The following RAB3C variants were observed in gnomAD, a reference collection of about 807,000 sequenced individuals.
RAB3C encodes ras-related protein Rab-3C.
Under a neutral mutation model 26.4 loss-of-function variants are expected in RAB3C, and 17 were observed. The ratio of observed to expected loss-of-function variants is 0.64; its 90% CI spans 0.44 to 0.97. The LOEUF (loss-of-function observed/expected upper bound fraction) is 0.97. Ranked by LOEUF, RAB3C falls within the 50% of genes least tolerant of loss-of-function variation. The pLI is 0.00. For missense variants in RAB3C, 242 were observed against 281.9 expected (o/e 0.86, Z 1.01); for synonymous variants, 91 against 95.9 (o/e 0.95, Z 0.30).
intron 2 of RAB3C, among the ~76,000 whole-genome samples, chr5:58,715,766 A>C (rs531755095): frequency 5.9e-5 from 9 of 152,140 alleles, no homozygotes; most frequent in Non-Finnish European, 8.8e-5. Context: ...GAGAGAATGA[A>C]GATCAGAAGC....
intron 3 of RAB3C, among the ~76,000 whole-genome samples, chr5:58,777,082 A>C (rs1411174933): frequency 6.6e-6 from 1 of 152,168 alleles, no homozygotes; most frequent in South Asian, 2.1e-4. Context: ...GATAACCTCA[A>C]CTTTAGGTTT....
At chr5:58,706,618 C>T (rs758087190) in intron 2 of RAB3C, among the ~76,000 whole-genome samples, 103 of 152,212 alleles carry the variant, frequency 6.8e-4, no homozygotes, top group Admixed American at 1.6e-3. Context: ...ATAATGTTAG[C>T]CTTCCAATAC....
At chr5:58,812,499 T>C (rs1395804740) in intron 3 of RAB3C, among the ~76,000 whole-genome samples, 2 of 152,206 alleles carry the variant, frequency 1.3e-5, no homozygotes, top group African/African-American at 4.8e-5. Context: ...CACCAGTGTC[T>C]TGTGCACTGT....
chr5:58,682,295 T>C (rs1220203386), intron 2 of RAB3C, among the ~76,000 whole-genome samples: 3 of 152,192 alleles, frequency 2.0e-5, no homozygotes, highest in Non-Finnish European at 4.4e-5. Context: ...TCTTATTCAT[T>C]TTATCGTCAA....
chr5:58,633,552 A>G (rs1015140048), intron 2 of RAB3C, among the ~76,000 whole-genome samples: 1 of 152,240 alleles, frequency 6.6e-6, no homozygotes, highest in Non-Finnish European at 1.5e-5. Flanking sequence ...AAAAATTGAG[A>G]TGAGACCAAC....
intron 1 of RAB3C, among the ~76,000 whole-genome samples, chr5:58,588,542 T>C (rs1213616209): frequency 6.6e-6 from 1 of 152,112 alleles, no homozygotes; most frequent in Non-Finnish European, 1.5e-5. Context: ...TTTATGCATC[T>C]GGGGGGTTTG....
intron 2 of RAB3C, among the ~76,000 whole-genome samples, chr5:58,664,660 T>C (rs1170382079): frequency 6.6e-6 from 1 of 152,180 alleles, no homozygotes; most frequent in African/African-American, 2.4e-5. Context: ...GATCTCTTTA[T>C]ATCATTTCTT....
Position 58,851,156 on chromosome 5 carries a change from T to C in RAB3C, c.497-8T>C. On this transcript the variant is annotated splice_polypyrimidine_tract_variant and splice_region_variant and intron_variant, in intron 4 of 4. Transcript: ENST00000282878. The stretch of plus-strand genomic sequence containing the variant: ...TAACCAAGATGTGTTTCTGTGTGTT[T>C]CTTCCAGGGTTTGAGTTTTTTGAAA... 16 of 1,586,192 alleles carry C rather than the reference T, an allele frequency of 1.0e-5. No individual in the cohort carries two copies. The highest frequency in any genetic ancestry group is 1.4e-5 in the Non-Finnish European group (16 of 1,168,888).
intron 2 of RAB3C, among the ~76,000 whole-genome samples, chr5:58,700,794 C>G (rs914478643): frequency 6.6e-6 from 1 of 151,970 alleles, no homozygotes; most frequent in Non-Finnish European, 1.5e-5. Flanking sequence ...GAAATCGACT[C>G]GAGGTCTTGA....
intron 2 of RAB3C, among the ~76,000 whole-genome samples, chr5:58,711,134 A>G (rs1402348979): frequency 6.6e-6 from 1 of 152,218 alleles, no homozygotes; most frequent in Admixed American, 6.5e-5. Context: ...CTTTTATGTA[A>G]GGAGGCATGG....
chr5:58,617,759 A>C lies in RAB3C; in HGVS notation c.141A>C (p.Leu47=). 6.2e-7 allele frequency: 1 copy of C among 1,613,830 alleles called. No homozygotes were observed. Among genetic ancestry groups the C allele is most frequent in the Non-Finnish European group, 8.5e-7 (1 of 1,179,824 alleles). The part of the protein sequence containing the change: ...GNSSVGKTSF[L]FRYADDSFTS... Reference sequence around the variant, plus strand: ...GCAGTGTGGGGAAAACATCTTTTCTATTCCGTTATGCAGATGACTCCTTTA... The same window carrying C: ...GCAGTGTGGGGAAAACATCTTTTCTCTTCCGTTATGCAGATGACTCCTTTA... Residue 47 remains leucine, a synonymous_variant, in exon 2 of 5, where the codon CTA becomes CTC. Transcript: ENST00000282878.
At chr5:58,826,333 G>C (rs575213904) in intron 4 of RAB3C, among the ~76,000 whole-genome samples, 231 of 152,128 alleles carry the variant, frequency 1.5e-3, no homozygotes, top group Middle Eastern at 6.3e-3. Flanking sequence ...TATGAGTAAA[G>C]GGCACAGTCA....
intron 1 of RAB3C, among the ~76,000 whole-genome samples, chr5:58,596,951 G>T (rs1746295796): frequency 1.2e-5 from 1 of 82,128 alleles, no homozygotes; most frequent in Non-Finnish European, 2.0e-5. Flanking sequence ...ATAATAATAT[G>T]ATACATAATA....
intron 2 of RAB3C, among the ~76,000 whole-genome samples, chr5:58,725,317 A>G (rs546353480): frequency 4.0e-4 from 61 of 151,840 alleles, no homozygotes; most frequent in South Asian, 1.2e-3. Flanking sequence ...GCTCCTTTAT[A>G]TGTTATTTGC....
At chr5:58,627,471 TAAAAAAAAA>T (rs58104232) in intron 2 of RAB3C, among the ~76,000 whole-genome samples, 15 of 68,434 alleles carry the variant, frequency 2.2e-4, no homozygotes, top group Admixed American at 3.3e-4. Flanking sequence ...GACTCCGTCT[TAAAAAAAAA>T]AAAAAAAAAA....
At chr5:58,762,762 G>C (rs1018066301) in intron 3 of RAB3C, among the ~76,000 whole-genome samples, 5 of 146,642 alleles carry the variant, frequency 3.4e-5, no homozygotes, top group Non-Finnish European at 6.1e-5. Context: ...CTTTTCATAG[G>C]TGTCCATTTA....
chr5:58,626,669 A>G (rs1747059656), intron 2 of RAB3C, among the ~76,000 whole-genome samples: 1 of 152,212 alleles, frequency 6.6e-6, no homozygotes, highest in Non-Finnish European at 1.5e-5. Context: ...CTTATCGTAA[A>G]GATGAAATAA....
At chr5:58,832,312 A>G (rs565165396) in intron 4 of RAB3C, among the ~76,000 whole-genome samples, 1 of 152,348 alleles carries the variant, frequency 6.6e-6, no homozygotes, top group East Asian at 1.9e-4. Context: ...TTGCATAACA[A>G]CCACTGAGCT....
At chr5:58,599,712 T>C (rs1045651849) in intron 1 of RAB3C, among the ~76,000 whole-genome samples, 15 of 152,076 alleles carry the variant, frequency 9.9e-5, no homozygotes, top group Admixed American at 2.6e-4. Context: ...TTTTTTATTA[T>C]ACTTTAAGTT....
Sources: gnomAD v4.1 joint callset for allele counts (sites outside exome capture counted in the v4.1 genomes callset) on GRCh38, gnomAD v4.1.1 for gene constraint, MANE v1.5 for transcripts, NCBI Gene and HGNC (gene_info 2026-07-23, HGNC 2026-07-21) for gene names.